Variants in CDH13 observed in about 807,000 individuals in gnomAD.
CDH13 encodes the protein cadherin 13.
In CDH13, 24 loss-of-function variants were observed where a neutral mutation model predicts 63.8. The observed-to-expected ratio is 0.38, with a 90% CI of 0.27 to 0.53. The LOEUF (loss-of-function observed/expected upper bound fraction) is 0.53. Among genes scored for constraint, CDH13 ranks in the 20% least tolerant of loss-of-function variants. The probability of loss-of-function intolerance (pLI) is 0.85; values close to 1 mark genes in which losing one functional copy is unlikely to be tolerated. For synonymous variants in CDH13, 503 were observed against 355.3 expected (o/e 1.42, Z -4.67); for missense variants, 1,049 against 903.1 (o/e 1.16, Z -2.07).
chr16:83,433,861 T>G (rs1240745500), intron 6 of CDH13, among the ~76,000 whole-genome samples: 1 of 152,192 alleles, frequency 6.6e-6, no homozygotes, highest in Non-Finnish European at 1.5e-5. Context: ...AATGATTTTT[T>G]TTTCCTCAGT....
chr16:83,121,693 C>T (rs1344195376), intron 3 of CDH13, among the ~76,000 whole-genome samples: 1 of 152,182 alleles, frequency 6.6e-6, no homozygotes, highest in Non-Finnish European at 1.5e-5. Flanking sequence ...TAAATCATGT[C>T]TCACTAAACG....
intron 9 of CDH13, among the ~76,000 whole-genome samples, chr16:83,677,138 C>T (rs1057124665): frequency 6.6e-6 from 1 of 152,160 alleles, no homozygotes; most frequent in Non-Finnish European, 1.5e-5. Context: ...CCCCATGCAC[C>T]GCTGACAGAG....
chr16:83,657,697 G>A (rs1912989638), intron 8 of CDH13, among the ~76,000 whole-genome samples: 1 of 152,180 alleles, frequency 6.6e-6, no homozygotes, highest in Non-Finnish European at 1.5e-5. Context: ...AGGAGACTGT[G>A]ATTTCCTTGG....
chr16:83,013,846 A>C (rs1329104831), intron 2 of CDH13, among the ~76,000 whole-genome samples: 4 of 152,190 alleles, frequency 2.6e-5, no homozygotes, highest in Non-Finnish European at 5.9e-5. Context: ...GAGAGACACA[A>C]CATAGGGAGG....
intron 1 of CDH13, among the ~76,000 whole-genome samples, chr16:82,660,935 CAAAA>C (rs58394697): frequency 7.0e-6 from 1 of 143,814 alleles, no homozygotes; most frequent in African/African-American, 2.6e-5. Context: ...TTTCTTTTAT[CAAAA>C]AAAAAAAACT....
intron 6 of CDH13, among the ~76,000 whole-genome samples, chr16:83,385,767 C>T (rs988193244): frequency 2.0e-5 from 3 of 152,148 alleles, no homozygotes; most frequent in Non-Finnish European, 2.9e-5. Flanking sequence ...TCCTCACATT[C>T]ACCAAATGGA....
At chr16:83,106,605 A>G (rs531498497) in intron 3 of CDH13, among the ~76,000 whole-genome samples, 51 of 152,326 alleles carry the variant, frequency 3.3e-4, no homozygotes, top group African/African-American at 1.1e-3. Context: ...GATTTAATAC[A>G]TGTTGATACA....
chr16:82,639,858 ACT>A (rs1217846123), intron 1 of CDH13, among the ~76,000 whole-genome samples: 2 of 151,864 alleles, frequency 1.3e-5, no homozygotes, highest in Non-Finnish European at 2.9e-5. Context: ...GTGGACAGAC[ACT>A]CTCTCCCTTG....
chr16:83,017,240 A>C (rs909820686), intron 2 of CDH13, among the ~76,000 whole-genome samples: 5 of 152,138 alleles, frequency 3.3e-5, no homozygotes, highest in African/African-American at 1.2e-4. Flanking sequence ...TTTGACACAC[A>C]GGGTCTTCTG....
chr16:83,353,360 C>T (rs2090995078), intron 6 of CDH13, among the ~76,000 whole-genome samples: 1 of 152,236 alleles, frequency 6.6e-6, no homozygotes, highest in South Asian at 2.1e-4. Context: ...CTCCATATCC[C>T]AGGCCCCCAC....
intron 1 of CDH13, chr16:82,773,189 G>C (rs138334036): frequency 6.6e-6 from 1 of 152,434 alleles, no homozygotes; most frequent in East Asian, 1.9e-4. Flanking sequence ...TGAGCCAGCA[G>C]AATCATTAGC....
intron 3 of CDH13, among the ~76,000 whole-genome samples, chr16:83,068,081 T>C (rs931585477): frequency 6.6e-6 from 1 of 152,180 alleles, no homozygotes; most frequent in African/African-American, 2.4e-5. Flanking sequence ...CAAGGAGGAC[T>C]TGGCAAAACA....
At chr16:83,483,541 C>G (rs2073821162) in intron 6 of CDH13, among the ~76,000 whole-genome samples, 1 of 151,390 alleles carries the variant, frequency 6.6e-6, no homozygotes, top group Non-Finnish European at 1.5e-5. Context: ...CATTTTTATA[C>G]CTTCCATGAC....
chr16:83,020,891 G>A (rs1915284303), intron 2 of CDH13, among the ~76,000 whole-genome samples: 2 of 152,222 alleles, frequency 1.3e-5, no homozygotes, highest in Non-Finnish European at 2.9e-5. Flanking sequence ...TTTGTCACAT[G>A]TCCCTAGACA....
At chr16:83,747,257 T>A (rs889489) in intron 10 of CDH13, among the ~76,000 whole-genome samples, 24,025 of 152,086 alleles carry the variant, frequency 0.16, 2,252 homozygotes, top group East Asian at 0.3. Context: ...AATTCCCACA[T>A]ATTATGGGAG....
intron 2 of CDH13, among the ~76,000 whole-genome samples, chr16:82,871,492 A>G (rs1308412303): frequency 6.6e-6 from 1 of 152,220 alleles, no homozygotes; most frequent in African/African-American, 2.4e-5. Context: ...TGACACTAAC[A>G]GGCATCTAAA....
rs370611900 is a variant in CDH13, at chr16:82,781,828, G to A, written c.46-76534G>A. ...CGCAGTTCTGTCCTTAAAGAGCTTAGGATCTAGTACGGGAGTATATGTAAA... is the reference window on the plus strand; with the variant it reads ...CGCAGTTCTGTCCTTAAAGAGCTTAAGATCTAGTACGGGAGTATATGTAAA... On this transcript the variant is annotated intron_variant, in intron 1 of 13. Coordinates refer to ENST00000567109, the MANE Select transcript of CDH13 (RefSeq NM_001257.5). Among the ~76,000 whole-genome samples, 24 of 152,318 alleles carry A rather than the reference G, an allele frequency of 1.6e-4. No individual in the cohort carries two copies. The East Asian group carries it at 3.3e-3, about 21-fold the overall frequency.
chr16:82,821,265 A>G (rs547035784), intron 1 of CDH13, among the ~76,000 whole-genome samples: 41 of 152,120 alleles, frequency 2.7e-4, no homozygotes, highest in African/African-American at 9.2e-4. Context: ...GGAATTTGGA[A>G]CATTAATGAC....
Position 83,038,369 on chromosome 16 carries a change from C to G in CDH13, c.366+6151C>G, listed in dbSNP as rs537715074. Reference sequence around the variant, plus strand: ...TATTTCTGCATTTTTAATGGGCTTCCCAGAATCTAGTACCTGCCTGGCTTA... The same window carrying G: ...TATTTCTGCATTTTTAATGGGCTTCGCAGAATCTAGTACCTGCCTGGCTTA... On this transcript the variant is annotated intron_variant, in intron 3 of 13. Transcript: ENST00000567109. 2.0e-3 allele frequency among the ~76,000 whole-genome samples: 305 copies of G among 152,202 alleles called. 1 individual carries two copies. Among genetic ancestry groups the G allele is most frequent in the Middle Eastern group, 0.017 (5 of 292 alleles).
Sources: allele counts gnomAD v4.1 joint callset (sites outside exome capture counted in the v4.1 genomes callset), GRCh38; gene constraint gnomAD v4.1.1; transcripts MANE v1.5; gene names NCBI Gene and HGNC (gene_info 2026-07-23, HGNC 2026-07-21).